The following CUL4B variants were observed in gnomAD, a reference collection of about 807,000 sequenced individuals.
The protein encoded by CUL4B is cullin 4B.
A neutral mutation model predicts 69.2 loss-of-function variants in CUL4B; 1 was observed. That is an observed-to-expected ratio of 0.01 (90% CI 0.01 to 0.07). The LOEUF is 0.07. CUL4B is among the 10% of genes least tolerant of loss of function. The probability of loss-of-function intolerance (pLI) is 1.00; values close to 1 mark genes in which losing one functional copy is unlikely to be tolerated. For synonymous variants in CUL4B, 237 were observed against 223.2 expected (o/e 1.06, Z -0.55); for missense variants, 328 against 638.8 (o/e 0.51, Z 5.24).
upstream of CUL4B, chrX:120,561,338 T>C (rs1363323819): frequency 3.6e-6 from 2 of 560,922 alleles, no homozygotes; most frequent in Non-Finnish European, 6.5e-6. Flanking sequence ...TCCTTAACGG[T>C]CCCGCGGGAA....
upstream of CUL4B, among the ~76,000 whole-genome samples, chrX:120,563,383 T>C (rs1925398085): frequency 2.7e-5 from 3 of 111,703 alleles, no homozygotes; most frequent in Admixed American, 2.9e-4. Flanking sequence ...TACAGGCATG[T>C]ATCACTACGC....
chrX:120,563,851 A>C (rs1925415937), upstream of CUL4B, among the ~76,000 whole-genome samples: 1 of 112,468 alleles, frequency 8.9e-6, no homozygotes. Flanking sequence ...CATAAAGATA[A>C]GAGAAAGCTG....
intron 2 of CUL4B, among the ~76,000 whole-genome samples, chrX:120,551,698 C>G (rs1187610061): frequency 3.6e-5 from 4 of 112,322 alleles, no homozygotes; most frequent in Non-Finnish European, 7.5e-5. Flanking sequence ...CACATCATTA[C>G]TCTATGTGAT....
Position 120,526,782 on chromosome X carries a change from G to A in CUL4B, c.2667C>T (p.Asn889=), listed in dbSNP as rs1392119875. 2.5e-6 allele frequency: 3 copies of A among 1,189,530 alleles called. No homozygotes were observed. In the East Asian group the frequency reaches 9.1e-5, roughly 36 times the overall value. Residue 889 remains asparagine, a synonymous_variant, in exon 20 of 20, where the codon AAC becomes AAT. Coordinates refer to ENST00000371322, the MANE Select transcript of CUL4B (RefSeq NM_001079872.2). ...CATTCTATGCAATATAGTTGTACTG[G>A]TTTGGATTTTCTTTATCTCTTTCCA... ...DYMERDKENP[N]QYNYIA is the part of the protein sequence containing the mutation.
chrX:120,560,656 C>A lies in CUL4B; in HGVS notation c.-18G>T. On this transcript the variant is annotated 5_prime_UTR_variant, in exon 1 of 20. Transcript: ENST00000371322. ...GGAAACATGAAAATAGCGGGGTCAACAGGCAGAGGAGCATCAAAAACCTAC... is the reference window on the plus strand; with the variant it reads ...GGAAACATGAAAATAGCGGGGTCAAAAGGCAGAGGAGCATCAAAAACCTAC... 8.3e-7 allele frequency: 1 copy of A among 1,197,980 alleles called. No homozygotes were observed. The highest frequency in any genetic ancestry group is 1.1e-6 in the Non-Finnish European group (1 of 894,344).
At chrX:120,574,754 A>G in intron 1 of CUL4B, 1 of 599,296 alleles carries the variant, frequency 1.7e-6, no homozygotes, top group Non-Finnish European at 2.8e-6. Flanking sequence ...TCTTCAAGGA[A>G]ATTATCAAAA....
intron 1 of CUL4B, among the ~76,000 whole-genome samples, chrX:120,559,487 G>T (rs746867066): frequency 3.6e-5 from 4 of 112,321 alleles, no homozygotes; most frequent in Non-Finnish European, 5.6e-5. Context: ...GTGGTACACA[G>T]AGTTACTACT....
Position 120,541,681 on chromosome X carries a change from A to G in CUL4B, c.1364T>C (p.Leu455Ser). 1 of 1,207,502 alleles carries G rather than the reference A, an allele frequency of 8.3e-7. No individual in the cohort carries two copies. The highest frequency in any genetic ancestry group is 1.1e-6 in the Non-Finnish European group (1 of 891,523). ...ACTGAAGAGCTGATACAGAAGAGACAAATCTTGAATTCGGTTTTCATCAAG... is the reference window on the plus strand; with the variant it reads ...ACTGAAGAGCTGATACAGAAGAGACGAATCTTGAATTCGGTTTTCATCAAG... Reference protein sequence around the residue: ...NLLDENRIQDLSLLYQLFSRV... With the variant: ...NLLDENRIQDSSLLYQLFSRV... The change falls in exon 10 of 20, where the codon TTG (leucine) becomes TCG (serine). Residue 455 changes from leucine to serine, a missense_variant. Transcript: ENST00000371322.
downstream of CUL4B, among the ~76,000 whole-genome samples, chrX:120,566,904 G>A (rs996118316): frequency 9.0e-6 from 1 of 110,684 alleles, no homozygotes. Context: ...AGCAGCCACA[G>A]ATGACTTCTC....
intron 16 of CUL4B, 68 bp from the exon 17 acceptor site, chrX:120,534,654 A>G: frequency 1.4e-6 from 1 of 725,741 alleles, no homozygotes; most frequent in Non-Finnish European, 2.2e-6. Flanking sequence ...ATCATCTCTT[A>G]TAGGAAAAGC....
At chrX:120,534,460 C>T (rs1308585397) in intron 17 of CUL4B, 21 bp downstream of exon 17, 1 of 1,034,717 alleles carries the variant, frequency 9.7e-7, no homozygotes, top group East Asian at 3.0e-5. Flanking sequence ...ACATAGTGAA[C>T]AATTAATGTT....
At chrX:120,556,717 G>A (rs1346127651) in intron 2 of CUL4B, among the ~76,000 whole-genome samples, 1 of 108,984 alleles carries the variant, frequency 9.2e-6, no homozygotes, top group Non-Finnish European at 1.9e-5. Context: ...TTAGTACCTG[G>A]CCCAAGATTA....
At position 120,544,639 on chromosome X, in the gene CUL4B, T is replaced by G. The variant is rs768363837; in HGVS notation, c.925A>C (p.Met309Leu). The change falls in exon 6 of 20, where the codon ATG becomes CTG. Residue 309 changes from methionine (M) to leucine (L), a missense_variant. Around this residue, in one of 4 missense-constraint regions of CUL4B, gnomAD observed 126 missense variants for 202.5 expected, o/e 0.62. Transcript: ENST00000371322. ...TGAGCCCTAAATAACTCCAGTCCCATGTCCCTAAAATAAAAAACACATATA... is the reference window on the plus strand; with the variant it reads ...TGAGCCCTAAATAACTCCAGTCCCAGGTCCCTAAAATAAAAAACACATATA... ...QNSMLPSIWDMGLELFRAHII... is the reference protein window; with the variant it reads ...QNSMLPSIWDLGLELFRAHII... 1 of 1,204,562 alleles carries G rather than the reference T, an allele frequency of 8.3e-7. No homozygotes were observed. The highest frequency in any genetic ancestry group is 1.1e-6 in the Non-Finnish European group (1 of 889,428).
At chrX:120,561,201 C>T, upstream of CUL4B, 5 of 626,084 alleles carry the variant, frequency 8.0e-6, no homozygotes, top group Non-Finnish European at 9.6e-6. Context: ...CGTGAGGGGG[C>T]GGCTGGAAAG....
At position 120,549,791 on chromosome X, in the gene CUL4B, G is replaced by A. The variant is rs954158423; in HGVS notation, c.673-2552C>T. Among the ~76,000 whole-genome samples, 3 of 111,765 alleles carry A rather than the reference G, an allele frequency of 2.7e-5. No individual in the cohort carries two copies. The Admixed American group carries it at 2.8e-4, about 11-fold the overall frequency. On this transcript the variant is annotated intron_variant, in intron 2 of 19. Transcript: ENST00000371322. ...GCCTCTCTGTTCACACAGGTCCTTT[G>A]TGGACTGTCCCCCTTCCACCTTTAG... is the stretch of plus-strand genomic sequence containing the variant.
chrX:120,560,743 A>C lies in CUL4B; in HGVS notation c.-105T>G. On this transcript the variant is annotated 5_prime_UTR_variant, in exon 1 of 20. Transcript: ENST00000371322. ...CAATGCTAGAGGGGGAAGGGAAGAA[A>C]GAAGAGAGGAGAAACACAGAGGACG... 1.1e-6 allele frequency: 1 copy of C among 927,395 alleles called. No individual in the cohort carries two copies. The allele number at this position is 927,395 out of a possible 1,213,427, so 76.4% of individuals were successfully genotyped here.
chrX:120,570,233 G>A (rs1482218334), downstream of CUL4B, among the ~76,000 whole-genome samples: 1 of 111,647 alleles, frequency 9.0e-6, no homozygotes, highest in Admixed American at 9.5e-5. Context: ...CAAAGCGGGA[G>A]AATAGGGTTT....
intron 6 of CUL4B, 57 bp downstream of exon 6, chrX:120,544,424 G>A (rs972046792): frequency 1.7e-6 from 2 of 1,155,460 alleles, no homozygotes; most frequent in Admixed American, 2.2e-5. Context: ...TGATGTGGGG[G>A]GAAAAAAAAC....
At chrX:120,544,242 C>T in intron 6 of CUL4B, 39 bp from the exon 7 acceptor site, 1 of 965,182 alleles carries the variant, frequency 1.0e-6, no homozygotes, top group Non-Finnish European at 1.5e-6. Flanking sequence ...ATTTATTTAG[C>T]AAATATTTAC....
Sources: allele counts gnomAD v4.1 joint callset (sites outside exome capture counted in the v4.1 genomes callset), GRCh38; gene constraint gnomAD v4.1.1; regional missense constraint gnomAD v4.1.1; transcripts MANE v1.5; gene names NCBI Gene and HGNC (gene_info 2026-07-23, HGNC 2026-07-21).